The following PTPRQ variants were observed in gnomAD, a reference collection of about 807,000 sequenced individuals.
The protein encoded by PTPRQ is phosphatidylinositol phosphatase PTPRQ.
PTPRQ carries 199 observed loss-of-function variants against 246.0 expected under a neutral mutation model. That is an observed-to-expected ratio of 0.81 (90% CI 0.72 to 0.91). The LOEUF (loss-of-function observed/expected upper bound fraction) is 0.91, where lower values mean the gene tolerates loss of function less well. Among genes scored for constraint, PTPRQ ranks in the 40% least tolerant of loss-of-function variants. The pLI is 0.00. For missense variants in PTPRQ, 2,624 were observed against 2,528.4 expected, an observed-to-expected ratio of 1.04 and a Z score of -0.81; for synonymous variants, 869 against 853.2, an observed-to-expected ratio of 1.02 and a Z score of -0.32.
chr12:80,496,930 A>G (rs2400719), intron 14 of PTPRQ, among the ~76,000 whole-genome samples: 129,013 of 151,882 alleles, frequency 0.85, 55,688 homozygotes, highest in Non-Finnish European at 0.93. Flanking sequence ...GTGGGAGCAC[A>G]AAAATGGCAT....
intron 41 of PTPRQ, 77 bp downstream of exon 41, chr12:80,669,541 C>T: frequency 4.1e-6 from 6 of 1,470,666 alleles, no homozygotes; most frequent in Non-Finnish European, 5.4e-6. Flanking sequence ...AAATTAATTT[C>T]TAGAACTATC....
chr12:80,529,336 T>A (rs1178656744), intron 17 of PTPRQ, among the ~76,000 whole-genome samples: 1 of 152,166 alleles, frequency 6.6e-6, no homozygotes, highest in Non-Finnish European at 1.5e-5. Context: ...AATAACTGAT[T>A]AAAGTTTTGA....
At chr12:80,641,915 C>G (rs570418671) in intron 35 of PTPRQ, among the ~76,000 whole-genome samples, 2 of 151,488 alleles carry the variant, frequency 1.3e-5, no homozygotes, top group Non-Finnish European at 2.9e-5. Context: ...CTCTTTCTCT[C>G]CCTCCTTCCC....
chr12:80,578,016 C>T (rs183044445), intron 25 of PTPRQ, among the ~76,000 whole-genome samples: 70 of 151,930 alleles, frequency 4.6e-4, no homozygotes, highest in Non-Finnish European at 7.1e-4. Flanking sequence ...ATTCCACCTA[C>T]GTACTCAGAG....
chr12:80,446,226 GT>G lies in PTPRQ; in HGVS notation c.390+523del, dbSNP rs530783702. Among the ~76,000 whole-genome samples the G allele has an allele frequency of 2.1e-3, 295 of 142,740 alleles. 1 individual carries two copies. The highest frequency in any genetic ancestry group is 4.2e-3 in the African/African-American group (165 of 39,442). The allele number at this position is 142,740 out of a possible 152,430, so 93.6% of individuals were successfully genotyped here. ...ATAATAATTGCATATGGGAGCTCAA[GT>G]TTTTTTTTTTTTTGGTGCTTTAGAC... On this transcript the variant is annotated intron_variant, in intron 3 of 44. Transcript: ENST00000644991.
intron 39 of PTPRQ, among the ~76,000 whole-genome samples, chr12:80,659,747 T>C (rs1385708763): frequency 6.6e-6 from 1 of 152,082 alleles, no homozygotes; most frequent in Non-Finnish European, 1.5e-5. Flanking sequence ...TATTCTGCTG[T>C]AATCAAGTGA....
chr12:80,496,131 A>AT (rs769836663), intron 13 of PTPRQ, 25 bp downstream of exon 13: 92 of 1,544,080 alleles, frequency 6.0e-5, no homozygotes, highest in Admixed American at 4.1e-4. Context: ...TGCAGCTTTA[A>AT]TTTTTTTAAA....
chr12:80,637,787 T>C (rs1018982273), intron 35 of PTPRQ, among the ~76,000 whole-genome samples: 14 of 152,170 alleles, frequency 9.2e-5, no homozygotes, highest in Non-Finnish European at 1.9e-4. Context: ...TTGGTGAAGC[T>C]CTAAAACTCT....
intron 3 of PTPRQ, among the ~76,000 whole-genome samples, chr12:80,452,159 C>T (rs983379331): frequency 7.8e-6 from 1 of 127,430 alleles, no homozygotes; most frequent in Non-Finnish European, 1.6e-5. Flanking sequence ...GGTTTAAAGT[C>T]TGTTTTATCA....
intron 8 of PTPRQ, among the ~76,000 whole-genome samples, chr12:80,480,745 C>G (rs887247395): frequency 3.9e-5 from 6 of 152,122 alleles, no homozygotes; most frequent in Admixed American, 3.9e-4. Flanking sequence ...ACTACAAACA[C>G]CTCTATGCAA....
At chr12:80,514,025 G>GA (rs2120728485) in intron 17 of PTPRQ, among the ~76,000 whole-genome samples, 2 of 152,120 alleles carry the variant, frequency 1.3e-5, no homozygotes, top group South Asian at 4.2e-4. Context: ...TCCATCCTGA[G>GA]AAAAAACAAA....
chr12:80,650,786 TA>T (rs1900230162), intron 37 of PTPRQ, among the ~76,000 whole-genome samples: 2 of 152,086 alleles, frequency 1.3e-5, no homozygotes, highest in South Asian at 4.1e-4. Flanking sequence ...GTAATTACAT[TA>T]TGCATGACCA....
chr12:80,515,062 G>T (rs1464178606), intron 17 of PTPRQ, among the ~76,000 whole-genome samples: 1 of 151,924 alleles, frequency 6.6e-6, no homozygotes, highest in African/African-American at 2.4e-5. Context: ...AACATCCTTA[G>T]TTGGAAATAG....
At chr12:80,655,611 C>T (rs1900407044) in intron 38 of PTPRQ, among the ~76,000 whole-genome samples, 1 of 151,940 alleles carries the variant, frequency 6.6e-6, no homozygotes. Context: ...CTCTCACACA[C>T]ACACACCCAT....
intron 43 of PTPRQ, among the ~76,000 whole-genome samples, chr12:80,676,120 GA>G (rs1166043220): frequency 6.6e-6 from 1 of 152,096 alleles, no homozygotes; most frequent in African/African-American, 2.4e-5. Flanking sequence ...ATGACAGACA[GA>G]AAAATGACCA....
chr12:80,500,355 T>C (rs1469713584), intron 14 of PTPRQ, among the ~76,000 whole-genome samples: 1 of 152,010 alleles, frequency 6.6e-6, no homozygotes, highest in East Asian at 1.9e-4. Flanking sequence ...CTCTTCAAAA[T>C]CAGTAAGTCA....
intron 30 of PTPRQ, among the ~76,000 whole-genome samples, chr12:80,618,699 A>G (rs1898860724): frequency 6.6e-6 from 1 of 151,596 alleles, no homozygotes; most frequent in Non-Finnish European, 1.5e-5. Flanking sequence ...TGAACGGTTG[A>G]ATAAATATGA....
intron 37 of PTPRQ, among the ~76,000 whole-genome samples, chr12:80,651,762 T>C (rs1047200476): frequency 6.6e-6 from 1 of 152,094 alleles, no homozygotes; most frequent in Admixed American, 6.6e-5. Flanking sequence ...CTTTATGTAT[T>C]TCCAAAACTT....
Position 80,496,043 on chromosome 12 carries a change from AC to A in PTPRQ, c.1930del (p.His644ThrfsTer15), listed in dbSNP as rs1352250633. ...ATACAAAATGAGAGTGGCAGCCTCAACCCACGTTGGAGAAAGTTCTTTGTCT... is the reference window on the plus strand; with the variant it reads ...ATACAAAATGAGAGTGGCAGCCTCAACCACGTTGGAGAAAGTTCTTTGTCT... The part of the protein sequence containing the change: ...TKYKMRVAAS[T>X]HVGESSLSEE... On this transcript the variant is annotated frameshift_variant, in exon 13 of 45. Transcript: ENST00000644991. LOFTEE classifies it high-confidence loss of function. The A allele has an allele frequency of 1.3e-6, 2 of 1,550,332 alleles. No homozygotes were observed. Among genetic ancestry groups the A allele is most frequent in the Non-Finnish European group, 8.7e-7 (1 of 1,146,312 alleles).
Sources: allele counts gnomAD v4.1 joint callset (sites outside exome capture counted in the v4.1 genomes callset), GRCh38; gene constraint gnomAD v4.1.1; transcripts MANE v1.5; gene names NCBI Gene and HGNC (gene_info 2026-07-23, HGNC 2026-07-21).